Variants in LRRK2 observed in about 807,000 individuals in gnomAD.
The protein encoded by LRRK2 is leucine rich repeat kinase 2.
A neutral mutation model predicts 302.6 loss-of-function variants in LRRK2; 203 were observed. The observed-to-expected ratio is 0.67, with a 90% CI of 0.60 to 0.75. The LOEUF (loss-of-function observed/expected upper bound fraction) is 0.75. Ranked by LOEUF, LRRK2 falls within the 30% of genes least tolerant of loss-of-function variation. LRRK2 has a pLI of 0.00. For synonymous variants in LRRK2, 1,066 were observed against 1,031.9 expected, an observed-to-expected ratio of 1.03 and a Z score of -0.63; for missense variants, 2,830 against 2,951.0, an observed-to-expected ratio of 0.96 and a Z score of 0.95.
chr12:40,323,019 C>T, intron 37 of LRRK2, 141 bp from the exon 38 acceptor site: 1 of 710,656 alleles, frequency 1.4e-6, no homozygotes, highest in Non-Finnish European at 2.3e-6. Flanking sequence ...CTCAAATTTC[C>T]TAGAGAAATA....
At chr12:40,348,582 A>G in intron 43 of LRRK2, 73 bp downstream of exon 43, 1 of 919,536 alleles carries the variant, frequency 1.1e-6, no homozygotes, top group South Asian at 1.5e-5. Flanking sequence ...TAATCTTCAA[A>G]TATATATACT....
chr12:40,302,549 AT>A (rs2136773445), intron 25 of LRRK2, among the ~76,000 whole-genome samples: 1 of 152,276 alleles, frequency 6.6e-6, no homozygotes, highest in African/African-American at 2.4e-5. Flanking sequence ...ACAAATTTAT[AT>A]TTAAATAGCT....
chr12:40,333,214 T>G (rs1383025167), intron 39 of LRRK2, among the ~76,000 whole-genome samples: 1 of 152,084 alleles, frequency 6.6e-6, no homozygotes, highest in Non-Finnish European at 1.5e-5. Flanking sequence ...AAAAAAAGAT[T>G]TTATCTACTA....
intron 36 of LRRK2, 65 bp downstream of exon 36, chr12:40,322,246 A>C (rs1449205166): frequency 1.3e-6 from 2 of 1,585,954 alleles, no homozygotes; most frequent in Non-Finnish European, 1.7e-6. Context: ...AAAAAAAAAA[A>C]AAACTTTACC....
chr12:40,250,069 A>G, intron 8 of LRRK2, 124 bp downstream of exon 8: 2 of 1,179,392 alleles, frequency 1.7e-6, no homozygotes, highest in Admixed American at 2.0e-5. Context: ...TGTGTAGCTC[A>G]TTTTCCAGTA....
At chr12:40,244,969 T>G (rs1941912184) in intron 7 of LRRK2, among the ~76,000 whole-genome samples, 1 of 148,184 alleles carries the variant, frequency 6.7e-6, no homozygotes, top group Non-Finnish European at 1.5e-5. Context: ...CAAAGGTATC[T>G]CTGAAAATAA....
intron 36 of LRRK2, 47 bp from the exon 37 acceptor site, chr12:40,322,272 A>T (rs1945425802): frequency 1.2e-6 from 2 of 1,606,348 alleles, no homozygotes; most frequent in Non-Finnish European, 1.7e-6. Context: ...GCTTTGCGAC[A>T]GTATGAGGTT....
At chr12:40,271,673 T>G (rs1943237093) in intron 14 of LRRK2, among the ~76,000 whole-genome samples, 1 of 152,178 alleles carries the variant, frequency 6.6e-6, no homozygotes, top group African/African-American at 2.4e-5. Context: ...GTAAATATCA[T>G]GATAGTCATA....
Position 40,325,537 on chromosome 12 carries a change from G to T in LRRK2, c.5656+2231G>T, listed in dbSNP as rs17444075. On this transcript the variant is annotated intron_variant, in intron 38 of 50. Coordinates refer to ENST00000298910, the MANE Select transcript of LRRK2 (RefSeq NM_198578.4). ...TGGCAGCATCTCTGTCTATCCACTA[G>T]ATGTCAGTAGTATCTCCCCTTCCCT... 8.3e-3 allele frequency among the ~76,000 whole-genome samples: 1,265 copies of T among 152,300 alleles called. 9 individuals are homozygous for T. The highest frequency in any genetic ancestry group is 0.015 in the Non-Finnish European group (1,001 of 68,026).
chr12:40,300,579 G>A (rs546145898), intron 25 of LRRK2, among the ~76,000 whole-genome samples: 20 of 152,090 alleles, frequency 1.3e-4, no homozygotes, highest in Non-Finnish European at 2.2e-4. Flanking sequence ...AATTTGGATA[G>A]TATTTTCCTC....
intron 7 of LRRK2, among the ~76,000 whole-genome samples, chr12:40,249,280 G>A (rs1942149194): frequency 6.6e-6 from 1 of 151,526 alleles, no homozygotes; most frequent in Admixed American, 6.6e-5. Context: ...AAAAGGTATG[G>A]GACTTCTTCC....
At chr12:40,298,792 TATATATAATATATGTATTATA>T (rs1448939998) in intron 24 of LRRK2, among the ~76,000 whole-genome samples, 1 of 116,514 alleles carries the variant, frequency 8.6e-6, no homozygotes, top group African/African-American at 3.2e-5. Context: ...TATATATATA[TATATATAATATATGTATTATA>T]ATATATAATA....
At chr12:40,361,132 A>C (rs1042691967) in intron 47 of LRRK2, among the ~76,000 whole-genome samples, 7 of 150,124 alleles carry the variant, frequency 4.7e-5, no homozygotes, top group African/African-American at 1.5e-4. Context: ...TGGGGATCAG[A>C]TTTTTTTTTT....
intron 30 of LRRK2, 112 bp from the exon 31 acceptor site, chr12:40,310,319 C>T (rs1307765227): frequency 1.0e-6 from 1 of 985,208 alleles, no homozygotes; most frequent in African/African-American, 1.6e-5. Context: ...CTGAAGTCTG[C>T]TAGTTTCTCT....
chr12:40,280,929 G>T (rs1321918196), intron 18 of LRRK2, among the ~76,000 whole-genome samples: 25 of 151,686 alleles, frequency 1.6e-4, no homozygotes, highest in Non-Finnish European at 5.9e-5. Context: ...TTAGCCAGGC[G>T]TGGTGGCAGG....
At chr12:40,237,900 A>T (rs1941540692) in intron 4 of LRRK2, 69 bp from the exon 5 acceptor site, 1 of 1,493,032 alleles carries the variant, frequency 6.7e-7, no homozygotes, top group African/African-American at 1.4e-5. Context: ...AAATTAATTC[A>T]TGTAAAAATT....
rs201407298 is a variant in LRRK2, at chr12:40,309,146, G to C, written c.4230G>C (p.Thr1410=). ...ATAGTACTCATCCCCATTTTATGAC[G>C]CAGCGAGCATTGTACCTTGCTGTCT... ...EFYSTHPHFM[T]QRALYLAVYD... Residue 1410 remains threonine, a synonymous_variant, in exon 30 of 51, where the codon ACG becomes ACC. Transcript: ENST00000298910. 6.2e-7 allele frequency: 1 copy of C among 1,613,740 alleles called. No individual in the cohort carries two copies. The highest frequency in any genetic ancestry group is 1.7e-5 in the Admixed American group (1 of 59,988).
rs1022005147 is a variant in LRRK2 at position 40,226,785 on chromosome 12, C to G, written c.237+1145C>G. On this transcript the variant is annotated intron_variant, in intron 2 of 50. Coordinates refer to ENST00000298910, the MANE Select transcript of LRRK2 (RefSeq NM_198578.4). The stretch of plus-strand genomic sequence containing the variant: ...GGAATTTTGCCTGTGGAATATGAGT[C>G]ACTTTTTGGGCACTGGCCTATTGTG... Among the ~76,000 whole-genome samples the G allele has an allele frequency of 2.6e-5, 4 of 152,168 alleles. No individual in the cohort carries two copies. In the East Asian group the frequency reaches 7.7e-4, roughly 29 times the overall value.
At chr12:40,321,299 A>G in intron 35 of LRRK2, 111 bp downstream of exon 35, 1 of 1,081,294 alleles carries the variant, frequency 9.2e-7, no homozygotes, top group East Asian at 2.6e-5. Context: ...CCATTTTCTC[A>G]GAGTTTACTT....
Sources: gnomAD v4.1 joint callset for allele counts (sites outside exome capture counted in the v4.1 genomes callset) on GRCh38, gnomAD v4.1.1 for gene constraint, MANE v1.5 for transcripts, NCBI Gene and HGNC (gene_info 2026-07-23, HGNC 2026-07-21) for gene names.